The following EPHA5 variants were observed in gnomAD, a reference collection of about 807,000 sequenced individuals.
EPHA5 encodes the protein ephrin type-A receptor 5.
EPHA5 carries 60 observed loss-of-function variants against 105.0 expected under a neutral mutation model. That is an observed-to-expected ratio of 0.57 (90% CI 0.46 to 0.71). The LOEUF is 0.71. EPHA5 is among the 30% of genes least tolerant of loss of function. EPHA5 has a pLI of 0.00. For missense variants in EPHA5, 1,218 were observed against 1,274.7 expected (o/e 0.96, Z 0.68); for synonymous variants, 513 against 449.1 (o/e 1.14, Z -1.80).
At chr4:65,493,401 A>C (rs188409798) in intron 4 of EPHA5, among the ~76,000 whole-genome samples, 2 of 152,122 alleles carry the variant, frequency 1.3e-5, no homozygotes, top group East Asian at 3.9e-4. Context: ...TCTAGAAAAA[A>C]AATTTGAAGT....
intron 11 of EPHA5, among the ~76,000 whole-genome samples, chr4:65,354,948 C>T (rs1047305602): frequency 6.6e-6 from 1 of 151,786 alleles, no homozygotes; most frequent in African/African-American, 2.4e-5. Context: ...CACATTTCCT[C>T]GTCCTCTAAA....
intron 5 of EPHA5, among the ~76,000 whole-genome samples, chr4:65,474,212 T>C (rs1729575921): frequency 6.6e-6 from 1 of 152,134 alleles, no homozygotes; most frequent in South Asian, 2.1e-4. Context: ...ATGAATATAC[T>C]GTAGATGACA....
chr4:65,631,330 G>T lies in EPHA5; in HGVS notation c.246+12033C>A, dbSNP rs565953695. Among the ~76,000 whole-genome samples, 6 of 152,198 alleles carry T rather than the reference G, an allele frequency of 3.9e-5. No individual in the cohort carries two copies. In the South Asian group the frequency reaches 1.2e-3, roughly 32 times the overall value. ...GTTTATATACATAATACCAAGAAAA[G>T]TGCCAGAGTGACTTTTGGTAAAACC... On this transcript the variant is annotated intron_variant, in intron 2 of 16. Transcript: ENST00000613740.
chr4:65,614,914 G>T (rs1198210064), intron 2 of EPHA5, among the ~76,000 whole-genome samples: 3 of 151,654 alleles, frequency 2.0e-5, no homozygotes. Flanking sequence ...ATCAACAATA[G>T]AAATAAATAA....
intron 8 of EPHA5, among the ~76,000 whole-genome samples, chr4:65,378,821 A>G (rs1245526609): frequency 2.0e-5 from 3 of 151,762 alleles, no homozygotes; most frequent in East Asian, 1.9e-4. Flanking sequence ...TTTAAACACA[A>G]TGATTGACAC....
chr4:65,509,231 T>C (rs1733363023), intron 3 of EPHA5, among the ~76,000 whole-genome samples: 1 of 152,176 alleles, frequency 6.6e-6, no homozygotes, highest in Admixed American at 6.6e-5. Context: ...TGGCAAAGAC[T>C]GTCCTTTAAC....
At chr4:65,450,379 A>G (rs2149105758) in intron 5 of EPHA5, among the ~76,000 whole-genome samples, 1 of 152,292 alleles carries the variant, frequency 6.6e-6, no homozygotes, top group East Asian at 1.9e-4. Flanking sequence ...TAAAAATACT[A>G]TAGTTAAAAG....
intron 3 of EPHA5, among the ~76,000 whole-genome samples, chr4:65,550,808 C>A (rs1056463092): frequency 1.3e-5 from 2 of 152,066 alleles, no homozygotes; most frequent in African/African-American, 2.4e-5. Context: ...TGCACTCCAG[C>A]CTGGGCGACA....
At chr4:65,352,002 G>A (rs1390426115) in intron 12 of EPHA5, among the ~76,000 whole-genome samples, 1 of 152,018 alleles carries the variant, frequency 6.6e-6, no homozygotes, top group Non-Finnish European at 1.5e-5. Context: ...GGACAGAGGT[G>A]ATAAGGGAGT....
intron 3 of EPHA5, among the ~76,000 whole-genome samples, chr4:65,544,135 C>G (rs1737136275): frequency 6.6e-6 from 1 of 151,964 alleles, no homozygotes; most frequent in Non-Finnish European, 1.5e-5. Context: ...AGAAAAAACC[C>G]TAGGCAATAC....
At chr4:65,527,842 C>G (rs924702365) in intron 3 of EPHA5, among the ~76,000 whole-genome samples, 1 of 152,022 alleles carries the variant, frequency 6.6e-6, no homozygotes, top group Non-Finnish European at 1.5e-5. Flanking sequence ...CTCCCTCCTC[C>G]CATTCTCCAC....
intron 3 of EPHA5, among the ~76,000 whole-genome samples, chr4:65,503,529 G>A (rs1434550520): frequency 6.6e-6 from 1 of 151,424 alleles, no homozygotes; most frequent in Non-Finnish European, 1.5e-5. Context: ...GAAAAGGACA[G>A]GAATACTATT....
At chr4:65,348,716 T>A (rs1296177238) in intron 13 of EPHA5, among the ~76,000 whole-genome samples, 9 of 124,288 alleles carry the variant, frequency 7.2e-5, no homozygotes, top group Non-Finnish European at 1.0e-4. Flanking sequence ...TATGTGTGTG[T>A]ATATATATGT....
intron 14 of EPHA5, among the ~76,000 whole-genome samples, chr4:65,347,578 A>C (rs1462886687): frequency 6.6e-6 from 1 of 152,172 alleles, no homozygotes; most frequent in African/African-American, 2.4e-5. Flanking sequence ...AAGTTAAATA[A>C]ACAATACAAC....
chr4:65,326,823 G>T (rs10006541), intron 16 of EPHA5, among the ~76,000 whole-genome samples: 140,323 of 151,278 alleles, frequency 0.93, 65,807 homozygotes, highest in Non-Finnish European at 1. Context: ...ATTGCTATGT[G>T]AATTATTAGG....
intron 14 of EPHA5, among the ~76,000 whole-genome samples, chr4:65,339,343 A>G (rs1721482134): frequency 6.6e-6 from 1 of 152,138 alleles, no homozygotes; most frequent in Non-Finnish European, 1.5e-5. Context: ...AGAATTCCAC[A>G]TAGTATATCA....
intron 3 of EPHA5, among the ~76,000 whole-genome samples, chr4:65,592,258 G>A (rs1441938563): frequency 6.6e-6 from 1 of 152,038 alleles, no homozygotes; most frequent in African/African-American, 2.4e-5. Flanking sequence ...AAAAATGTCT[G>A]GCAATGTCAA....
chr4:65,665,349 A>C (rs1749877969), intron 1 of EPHA5, among the ~76,000 whole-genome samples: 1 of 152,044 alleles, frequency 6.6e-6, no homozygotes, highest in Admixed American at 6.6e-5. Context: ...ACTAAAGCAT[A>C]GTTATTTTCT....
At chr4:65,537,976 C>T (rs1404411983) in intron 3 of EPHA5, among the ~76,000 whole-genome samples, 1 of 151,654 alleles carries the variant, frequency 6.6e-6, no homozygotes, top group African/African-American at 2.4e-5. Flanking sequence ...ATTGGGGTGG[C>T]TTATTAAAAT....
Sources: gnomAD v4.1 joint callset for allele counts (sites outside exome capture counted in the v4.1 genomes callset) on GRCh38, gnomAD v4.1.1 for gene constraint, MANE v1.5 for transcripts, NCBI Gene and HGNC (gene_info 2026-07-23, HGNC 2026-07-21) for gene names.